AP4B1: variants seen among roughly 807,000 people sequenced by gnomAD.
AP4B1 encodes adaptor related protein complex 4 subunit beta 1.
A neutral mutation model predicts 76.5 loss-of-function variants in AP4B1; 49 were observed. That is an observed-to-expected ratio of 0.64 (90% CI 0.51 to 0.81). The LOEUF (loss-of-function observed/expected upper bound fraction) is 0.81, where lower values mean the gene tolerates loss of function less well. Ranked by LOEUF, AP4B1 falls within the 40% of genes least tolerant of loss-of-function variation. AP4B1 has a pLI of 0.00. For missense variants in AP4B1, 911 were observed against 904.9 expected (o/e 1.01, Z -0.09); for synonymous variants, 330 against 333.3 (o/e 0.99, Z 0.11).
At chr1:113,904,858 C>G (rs1433072666), upstream of AP4B1, 2 of 768,774 alleles carry the variant, frequency 2.6e-6, no homozygotes, top group African/African-American at 3.4e-5. Context: ...GGCTCGGCTT[C>G]CGTAGGGCCG....
intron 7 of AP4B1, 106 bp from the exon 8 acceptor site, chr1:113,896,571 A>C (rs1428152248): frequency 2.0e-6 from 2 of 1,014,650 alleles, no homozygotes; most frequent in Non-Finnish European, 1.6e-6. Flanking sequence ...CCAGCAGAAA[A>C]GGTGTAATCT....
intron 1 of AP4B1, 75 bp from the exon 2 acceptor site, chr1:113,902,937 A>G: frequency 1.5e-6 from 2 of 1,332,660 alleles, no homozygotes; most frequent in Non-Finnish European, 2.1e-6. Flanking sequence ...TTACTTACAT[A>G]TCTCCTGATT....
intron 7 of AP4B1, chr1:113,897,482 T>C (rs1346421367): frequency 8.6e-6 from 3 of 347,682 alleles, no homozygotes; most frequent in Non-Finnish European, 1.7e-5. Flanking sequence ...ACAGCTACTC[T>C]ACTCAGGAGG....
Position 113,901,805 on chromosome 1 carries a change from G to A in AP4B1, c.419C>T (p.Ala140Val). ...RDKASYVRRV[A>V]VLGCAKMHNL... Reference sequence around the variant, plus strand: ...ATGCATCTTGGCACATCCAAGGACTGCCACTCTCCTGACATATGAAGCCTT... The same window carrying A: ...ATGCATCTTGGCACATCCAAGGACTACCACTCTCCTGACATATGAAGCCTT... The change falls in exon 3 of 10, where the codon GCA becomes GTA. Residue 140 changes from alanine (A) to valine (V), a missense_variant. By Grantham distance (64) the Ala-to-Val change is moderately conservative (BLOSUM62 0). Coordinates refer to ENST00000369569, the MANE Select transcript of AP4B1 (RefSeq NM_001253852.3). 6.2e-7 allele frequency: 1 copy of A among 1,614,170 alleles called. No homozygotes were observed. Among genetic ancestry groups the A allele is most frequent in the Non-Finnish European group, 8.5e-7 (1 of 1,180,034 alleles).
Position 113,902,663 on chromosome 1 carries a change from C to T in AP4B1, c.313G>A (p.Ala105Thr). The T allele has an allele frequency of 6.2e-7, 1 of 1,613,502 alleles. No individual in the cohort carries two copies. Among genetic ancestry groups the T allele is most frequent in the South Asian group, 1.1e-5 (1 of 91,038 alleles). The change falls in exon 2 of 10, where the codon GCG (alanine) becomes ACG (threonine). Residue 105 changes from alanine (A) to threonine (T), a missense_variant. By Grantham distance (58) the Ala-to-Thr change is moderately conservative. Transcript: ENST00000369569. ...SDPNPMVRGL[A>T]LRSMCSLRMP... ...CTGAGGCTACACATGCTCCGTAACGCCAGCCCTCGCACCATTGGATTGGGG... is the reference window on the plus strand; with the variant it reads ...CTGAGGCTACACATGCTCCGTAACGTCAGCCCTCGCACCATTGGATTGGGG...
intron 5 of AP4B1, chr1:113,899,057 A>G: frequency 7.9e-7 from 1 of 1,272,008 alleles, no homozygotes. Flanking sequence ...AACAAGGTTG[A>G]AAACTTATAG....
rs534237530 is a variant in AP4B1, at chr1:113,899,949, T to A, written c.1069A>T (p.Thr357Ser). 1 of 1,614,194 alleles carries A rather than the reference T, an allele frequency of 6.2e-7. No homozygotes were observed. Among genetic ancestry groups the A allele is most frequent in the East Asian group, 2.2e-5 (1 of 44,888 alleles). ...QVLEELRGYC[T>S]DVSADFAQAA... ...TGTGCAAAGTCCGCAGACACATCCG[T>A]GCAGTACCCTCGAAGCTCCTCTAGC... Residue 357 changes from threonine to serine, a missense_variant, in exon 5 of 10, where the codon ACG becomes TCG. Coordinates refer to ENST00000369569, the MANE Select transcript of AP4B1 (RefSeq NM_001253852.3).
Position 113,894,826 on chromosome 1 carries a change from C to T in AP4B1, c.*239G>A, listed in dbSNP as rs912142955. 25 of 495,844 alleles carry T rather than the reference C, an allele frequency of 5.0e-5. No individual in the cohort carries two copies. Among genetic ancestry groups the T allele is most frequent in the East Asian group, 2.6e-4 (7 of 26,452 alleles). The allele number at this position is 495,844 out of a possible 1,614,324, so 30.7% of individuals were successfully genotyped here. ...GAAATAATCCAAATCCCATCCTCAACGCATCTCCTTACCAACATTAACCTC... is the reference window on the plus strand; with the variant it reads ...GAAATAATCCAAATCCCATCCTCAATGCATCTCCTTACCAACATTAACCTC... On this transcript the variant is annotated 3_prime_UTR_variant, in exon 10 of 10. Coordinates refer to ENST00000369569, the MANE Select transcript of AP4B1 (RefSeq NM_001253852.3).
intron 5 of AP4B1, among the ~76,000 whole-genome samples, chr1:113,899,624 A>T (rs2101021282): frequency 6.6e-6 from 1 of 152,300 alleles, no homozygotes; most frequent in South Asian, 2.1e-4. Context: ...ATAGGAAAGC[A>T]TTTTGGATAG....
chr1:113,894,918 T>G lies in AP4B1; in HGVS notation c.*147A>C. On this transcript the variant is annotated 3_prime_UTR_variant, in exon 10 of 10. Transcript: ENST00000369569. ...AATGAAAGGAATGAATCAATGTTCTTTGGCCAAAAACTTAAGAATCCTGAT... is the reference window on the plus strand; with the variant it reads ...AATGAAAGGAATGAATCAATGTTCTGTGGCCAAAAACTTAAGAATCCTGAT... 1 of 891,108 alleles carries G rather than the reference T, an allele frequency of 1.1e-6. No homozygotes were observed. Among genetic ancestry groups the G allele is most frequent in the Non-Finnish European group, 1.7e-6 (1 of 597,508 alleles). 55.2% of individuals were successfully genotyped at this position (891,108 alleles called of 1,614,324 possible). A position where few individuals can be genotyped will look rare whatever the true frequency, so the allele number is the denominator to read the frequency against.
In AP4B1 at chr1:113,896,309, G is replaced by T. The variant is rs771888480; in HGVS notation, c.1459C>A (p.Arg487=). ...AGCATGTCCTGGCACTCAGCAGGTC[G>T]GGAGAGGAAAAGGCGCAGCAAAGCA... ...LTALLRLFLS[R]PAECQDMLGR... The change falls in exon 8 of 10, where the codon CGA becomes AGA. Residue 487 remains arginine, a synonymous_variant. Coordinates refer to ENST00000369569, the MANE Select transcript of AP4B1 (RefSeq NM_001253852.3). 8.1e-6 allele frequency: 13 copies of T among 1,614,170 alleles called. No homozygotes were observed. Among genetic ancestry groups the T allele is most frequent in the Middle Eastern group, 1.6e-4 (1 of 6,062 alleles).
At chr1:113,899,029 C>A (rs1189679593) in intron 5 of AP4B1, 1 of 1,205,486 alleles carries the variant, frequency 8.3e-7, no homozygotes, top group Non-Finnish European at 1.1e-6. Context: ...AAGCTCATAG[C>A]AAAACAATTC....
At chr1:113,903,732 T>A (rs2101051398) in intron 1 of AP4B1, among the ~76,000 whole-genome samples, 1 of 152,336 alleles carries the variant, frequency 6.6e-6, no homozygotes, top group African/African-American at 2.4e-5. Flanking sequence ...ACACATTTTT[T>A]TAAGAGTCTG....
rs751648698 is a variant in AP4B1, at chr1:113,897,970, C to T, written c.1199-27G>A. The T allele has an allele frequency of 4.3e-6, 7 of 1,613,926 alleles. No homozygotes were observed. In the Admixed American group the frequency reaches 1.2e-4, roughly 27 times the overall value. ...TACAATACAGGCCAGGGTACAAGAG[C>T]ACAGGATTAGAGCCTCCAGGTAGGC... is the stretch of plus-strand genomic sequence containing the variant. On this transcript the variant is annotated intron_variant, in intron 6 of 9. Transcript: ENST00000369569.
rs750078454 is a variant in AP4B1 at position 113,900,400 on chromosome 1, T to C, written c.618A>G (p.Arg206=). 5 of 1,613,452 alleles carry C rather than the reference T, an allele frequency of 3.1e-6. No homozygotes were observed. Among genetic ancestry groups the C allele is most frequent in the Non-Finnish European group, 4.2e-6 (5 of 1,179,888 alleles). The change falls in exon 5 of 10, where the codon CGA becomes CGG. Residue 206 remains arginine, a splice_region_variant and synonymous_variant. Transcript: ENST00000369569. ...GGCCCCATTGGTCCAGTTTTGACAT[T>C]CTATCCAAAAAACAAAACAAAAGAG... ...NKPIAHHLLN[R]MSKLDQWGQA...
At chr1:113,899,354 T>TGTCG (rs1291963815) in intron 5 of AP4B1, 2 of 1,011,434 alleles carry the variant, frequency 2.0e-6, no homozygotes, top group Non-Finnish European at 2.4e-6. Context: ...TGAAAAAGTC[T>TGTCG]GTAAGATTTA....
At chr1:113,897,524 G>A in intron 7 of AP4B1, 1 of 383,672 alleles carries the variant, frequency 2.6e-6, no homozygotes, top group Non-Finnish European at 5.0e-6. Flanking sequence ...AGTTTGGGAG[G>A]TAGAGGTTGC....
rs1014506485 is a variant in AP4B1, at chr1:113,895,616, T to G, written c.1793-124A>C. 3.3e-6 allele frequency: 5 copies of G among 1,529,542 alleles called. No homozygotes were observed. The African/African-American group carries it at 6.8e-5, about 21-fold the overall frequency. 94.7% of individuals were successfully genotyped at this position (1,529,542 alleles called of 1,614,324 possible). A position where few individuals can be genotyped will look rare whatever the true frequency, so the allele number is the denominator to read the frequency against. ...TTGGACAAATGGCTGAAATAACCAG[T>G]GACGAACCTCTTTCTTGCTCACAAA... On this transcript the variant is annotated intron_variant, in intron 9 of 9. Coordinates refer to ENST00000369569, the MANE Select transcript of AP4B1 (RefSeq NM_001253852.3).
rs772097818 is a variant in AP4B1, at chr1:113,896,432, G to A, written c.1336C>T (p.His446Tyr). ...KQALIWLLGV[H>Y]GERIPNAPYV... is the part of the protein sequence containing the mutation. ...GGAGCATTAGGAATTCTTTCCCCATGGACACCAAGTAGCCAAATAAGTGCT... is the reference window on the plus strand; with the variant it reads ...GGAGCATTAGGAATTCTTTCCCCATAGACACCAAGTAGCCAAATAAGTGCT... The change falls in exon 8 of 10, where the codon CAT (histidine) becomes TAT (tyrosine). Residue 446 changes from histidine to tyrosine, a missense_variant. Coordinates refer to ENST00000369569, the MANE Select transcript of AP4B1 (RefSeq NM_001253852.3). The A allele has an allele frequency of 3.1e-6, 5 of 1,614,136 alleles. No individual in the cohort carries two copies. Among genetic ancestry groups the A allele is most frequent in the Non-Finnish European group, 4.2e-6 (5 of 1,180,014 alleles).
Sources: gnomAD v4.1 joint callset for allele counts (sites outside exome capture counted in the v4.1 genomes callset) on GRCh38, gnomAD v4.1.1 for gene constraint, MANE v1.5 for transcripts, NCBI Gene and HGNC (gene_info 2026-07-23, HGNC 2026-07-21) for gene names.